PAK2: variants seen among roughly 807,000 people sequenced by gnomAD.
The protein encoded by PAK2 is p21 (RAC1) activated kinase 2.
PAK2 carries 21 observed loss-of-function variants against 65.9 expected under a neutral mutation model. The ratio of observed to expected loss-of-function variants is 0.32; its 90% confidence interval spans 0.23 to 0.46. PAK2 has a LOEUF of 0.46. PAK2 is among the 20% of genes least tolerant of loss of function. PAK2 has a pLI of 1.00. For missense variants in PAK2, 324 were observed against 642.6 expected (o/e 0.50, Z 5.36); for synonymous variants, 204 against 219.7 (o/e 0.93, Z 0.63).
Position 196,831,284 on chromosome 3 carries a change from C to T in PAK2, c.*2879C>T, listed in dbSNP as rs1321996625. The T allele has an allele frequency of 6.6e-6, 1 of 151,956 alleles. No individual in the cohort carries two copies. Among genetic ancestry groups the T allele is most frequent in the Non-Finnish European group, 1.5e-5 (1 of 68,002 alleles). 9.4% of individuals were successfully genotyped at this position (151,956 alleles called of 1,614,324 possible). On this transcript the variant is annotated 3_prime_UTR_variant, in exon 15 of 15. Transcript: ENST00000327134. Reference sequence around the variant, plus strand: ...AAATCTGAAAGTTACCTTAATAGTCCTCTTGTGTTATTAGGACAGTATTAT... The same window carrying T: ...AAATCTGAAAGTTACCTTAATAGTCTTCTTGTGTTATTAGGACAGTATTAT...
intron 1 of PAK2, among the ~76,000 whole-genome samples, chr3:196,740,571 C>G (rs530497220): frequency 1.3e-5 from 2 of 152,198 alleles, no homozygotes; most frequent in Non-Finnish European, 2.9e-5. Flanking sequence ...TGATTCTCAG[C>G]CCCTGCTTGC....
chr3:196,820,399 C>G lies in PAK2; in HGVS notation c.1182C>G (p.Thr394=). 6.2e-7 allele frequency: 1 copy of G among 1,607,488 alleles called. No homozygotes were observed. Among genetic ancestry groups the G allele is most frequent in the South Asian group, 1.1e-5 (1 of 90,110 alleles). Residue 394 remains threonine, a synonymous_variant, in exon 13 of 15, where the codon ACC becomes ACG. Transcript: ENST00000327134. The surrounding 1 kb of genome is among the most constrained non-coding windows in gnomAD (Gnocchi z 4.6). ...ACTTTGGTTTCTGTGCCCAGATCAC[C>G]CCTGAGCAGAGCAAACGCAGTACCA... ...LTDFGFCAQI[T]PEQSKRSTMV...
chr3:196,743,084 A>G (rs1004392605), intron 1 of PAK2, among the ~76,000 whole-genome samples: 5 of 151,966 alleles, frequency 3.3e-5, no homozygotes, highest in Non-Finnish European at 7.3e-5. Flanking sequence ...TTGTGCCTTA[A>G]CAGAGCAGAA....
rs752042469 is a variant in PAK2, at chr3:196,810,668, C to A, written c.773+15C>A. 4 of 1,242,458 alleles carry A rather than the reference C, an allele frequency of 3.2e-6. No homozygotes were observed. The Admixed American group carries it at 6.8e-5, about 21-fold the overall frequency. 77.0% of individuals were successfully genotyped at this position (1,242,458 alleles called of 1,614,324 possible). A position where few individuals can be genotyped will look rare whatever the true frequency, so the allele number is the denominator to read the frequency against. ...ATTGGACAAGGGTAAGTATTTGTGA[C>A]TGTATTACGATAATATTCAGTATTC... On this transcript the variant is annotated intron_variant, in intron 8 of 14. Coordinates refer to ENST00000327134, the MANE Select transcript of PAK2 (RefSeq NM_002577.4).
intron 5 of PAK2, among the ~76,000 whole-genome samples, chr3:196,805,966 C>G (rs1715571720): frequency 6.6e-6 from 1 of 151,456 alleles, no homozygotes; most frequent in African/African-American, 2.4e-5. Context: ...GGCTGGAGTG[C>G]AGTGGCGCAA....
At chr3:196,814,019 A>G (rs1715913612) in intron 10 of PAK2, among the ~76,000 whole-genome samples, 1 of 152,176 alleles carries the variant, frequency 6.6e-6, no homozygotes, top group Admixed American at 6.6e-5. Flanking sequence ...TCAAGTCAGC[A>G]TAGTGTGGTG....
intron 5 of PAK2, among the ~76,000 whole-genome samples, chr3:196,806,203 G>A (rs1715580093): frequency 6.6e-6 from 1 of 152,066 alleles, no homozygotes; most frequent in Non-Finnish European, 1.5e-5. Context: ...GAGCCACCAT[G>A]CCCGGCCCCA....
rs71301221 is a variant in PAK2 at position 196,759,498 on chromosome 3, G to GTTTTTTTTTTTTTTTTTTTTTTTTTT, written c.-22+19355_-22+19380dup. ...GGTATACAGTTAAGTGGTTTTTTTT[G>GTTTTTTTTTTTTTTTTTTTTTTTTTT]TTTTTTTTTTTTTTTTTTTTTTTTT... On this transcript the variant is annotated intron_variant, in intron 1 of 14. Transcript: ENST00000327134. Among the ~76,000 whole-genome samples, 5 of 108,158 alleles carry GTTTTTTTTTTTTTTTTTTTTTTTTTT rather than the reference G, an allele frequency of 4.6e-5. 1 individual carries two copies. Among genetic ancestry groups the GTTTTTTTTTTTTTTTTTTTTTTTTTT allele is most frequent in the South Asian group, 3.0e-4 (1 of 3,314 alleles). 71.0% of individuals were successfully genotyped at this position (108,158 alleles called of 152,430 possible). A position where few individuals can be genotyped will look rare whatever the true frequency, so the allele number is the denominator to read the frequency against.
chr3:196,756,223 GAA>G (rs1465864616), intron 1 of PAK2, among the ~76,000 whole-genome samples: 1 of 151,882 alleles, frequency 6.6e-6, no homozygotes, highest in Non-Finnish European at 1.5e-5. Context: ...AGGGGAAGAA[GAA>G]AAAGAGAAAA....
At chr3:196,812,400 A>G in intron 9 of PAK2, 133 bp downstream of exon 9, 1 of 674,156 alleles carries the variant, frequency 1.5e-6, no homozygotes, top group Non-Finnish European at 2.7e-6. Context: ...ACGTATGTTT[A>G]TAGCACTTCT....
In PAK2 at chr3:196,829,364, GTTCTTT is replaced by G. The variant is rs1301946720; in HGVS notation, c.*969_*974del. 2 of 152,444 alleles carry G rather than the reference GTTCTTT, an allele frequency of 1.3e-5. No individual in the cohort carries two copies. The highest frequency in any genetic ancestry group is 1.9e-4 in the East Asian group (1 of 5,194). 9.4% of individuals were successfully genotyped at this position (152,444 alleles called of 1,614,324 possible). The stretch of plus-strand genomic sequence containing the variant: ...ATGTTGCAATTTTAGGTTTAGGTTT[GTTCTTT>G]TTCTTTTTCATTAATCCTCTCTCAC... On this transcript the variant is annotated 3_prime_UTR_variant, in exon 15 of 15. Coordinates refer to ENST00000327134, the MANE Select transcript of PAK2 (RefSeq NM_002577.4).
intron 1 of PAK2, among the ~76,000 whole-genome samples, chr3:196,770,392 T>G (rs1175160212): frequency 6.6e-6 from 1 of 151,902 alleles, no homozygotes; most frequent in African/African-American, 2.4e-5. Context: ...GGCATGTACC[T>G]GTAGTCTCAG....
intron 1 of PAK2, among the ~76,000 whole-genome samples, chr3:196,778,336 A>G (rs997236910): frequency 6.6e-5 from 10 of 152,184 alleles, no homozygotes; most frequent in African/African-American, 2.2e-4. Context: ...GCTGTTATGA[A>G]TGCTTCTGTG....
At chr3:196,762,182 G>A (rs1389585977) in intron 1 of PAK2, among the ~76,000 whole-genome samples, 1 of 104,698 alleles carries the variant, frequency 9.6e-6, no homozygotes, top group East Asian at 2.3e-4. Flanking sequence ...ATGGGATGGT[G>A]GCCGGGCGCA....
At position 196,751,676 on chromosome 3, in the gene PAK2, T is replaced by A. The variant is rs1160381055; in HGVS notation, c.-22+11519T>A. Among the ~76,000 whole-genome samples the A allele has an allele frequency of 4.4e-4, 17 of 38,280 alleles. 2 individuals are homozygous for A. In the South Asian group the frequency reaches 0.012, roughly 26 times the overall value. 25.1% of individuals were successfully genotyped at this position (38,280 alleles called of 152,430 possible). A position where few individuals can be genotyped will look rare whatever the true frequency, so the allele number is the denominator to read the frequency against. Reference sequence around the variant, plus strand: ...AAACACACAAATTTATTTATATACATATATATATATATATATATAATTCAG... The same window carrying A: ...AAACACACAAATTTATTTATATACAAATATATATATATATATATAATTCAG... On this transcript the variant is annotated intron_variant, in intron 1 of 14. Transcript: ENST00000327134.
At chr3:196,807,197 C>T (rs1715614088) in intron 6 of PAK2, among the ~76,000 whole-genome samples, 1 of 152,162 alleles carries the variant, frequency 6.6e-6, no homozygotes, top group Non-Finnish European at 1.5e-5. Context: ...CATTCTGCTC[C>T]CTTCAGTACT....
At chr3:196,759,511 T>C (rs74469009) in intron 1 of PAK2, among the ~76,000 whole-genome samples, 1 of 49,626 alleles carries the variant, frequency 2.0e-5, no homozygotes, top group Non-Finnish European at 4.4e-5. Context: ...TTTTTTTTTT[T>C]TTTTTTTTTT....
At chr3:196,751,666 T>TAC (rs1560089758) in intron 1 of PAK2, among the ~76,000 whole-genome samples, 4 of 41,340 alleles carry the variant, frequency 9.7e-5, no homozygotes, top group African/African-American at 7.6e-5. Context: ...CACAAATTTA[T>TAC]TTATATACAT....
intron 1 of PAK2, among the ~76,000 whole-genome samples, chr3:196,767,389 A>G (rs151210188): frequency 7.3e-4 from 108 of 147,418 alleles, no homozygotes; most frequent in African/African-American, 2.5e-3. Flanking sequence ...TATTAAACCT[A>G]TCCTCACAGA....
Sources: allele counts gnomAD v4.1 joint callset (sites outside exome capture counted in the v4.1 genomes callset), GRCh38; gene constraint gnomAD v4.1.1; non-coding constraint Gnocchi (gnomAD v3.1); transcripts MANE v1.5; gene names NCBI Gene and HGNC (gene_info 2026-07-23, HGNC 2026-07-21).